Variants in ZNF71 observed in about 807,000 individuals in gnomAD.
The protein encoded by ZNF71 is zinc finger protein 71, also known as endothelial zinc finger protein induced by tumor necrosis factor alpha.
ZNF71 carries 3 observed loss-of-function variants against 6.7 expected under a neutral mutation model. The ratio of observed to expected loss-of-function variants is 0.45; its 90% CI spans 0.20 to 1.16. The LOEUF (loss-of-function observed/expected upper bound fraction) is 1.16. Ranked by LOEUF, ZNF71 falls within the 50% of genes most tolerant of loss-of-function variation. The pLI is 0.25. For missense variants in ZNF71, 688 were observed against 728.6 expected, an observed-to-expected ratio of 0.94 and a Z score of 0.64; for synonymous variants, 343 against 311.1, an observed-to-expected ratio of 1.10 and a Z score of -1.08.
In ZNF71 at chr19:56,617,112, G is replaced by GTTTTTTTTTTT. The variant is rs748784485; in HGVS notation, c.160+3183_160+3184insTTTTTTTTTTT. Among the ~76,000 whole-genome samples the GTTTTTTTTTTT allele has an allele frequency of 9.2e-3, 1,287 of 140,304 alleles. 58 individuals are homozygous for GTTTTTTTTTTT. Among genetic ancestry groups the GTTTTTTTTTTT allele is most frequent in the Middle Eastern group, 0.019 (5 of 264 alleles). 92.0% of individuals were successfully genotyped at this position (140,304 alleles called of 152,430 possible). ...TTACAGGAGACTTCCATTTTCTTTT[G>GTTTTTTTTTTT]TTTTTTTTTGTTTTTTTTGAGACAG... is the stretch of plus-strand genomic sequence containing the variant. On this transcript the variant is annotated intron_variant, in intron 3 of 3. Coordinates refer to ENST00000599599, the MANE Select transcript of ZNF71 (RefSeq NM_001370215.1).
chr19:56,599,829 G>A (rs1198475046), intron 1 of ZNF71, among the ~76,000 whole-genome samples: 1 of 151,476 alleles, frequency 6.6e-6, no homozygotes, highest in Non-Finnish European at 1.5e-5. Flanking sequence ...GAGTAGCTGG[G>A]ATTACAGGCA....
At chr19:56,599,961 A>G (rs989521755) in intron 1 of ZNF71, among the ~76,000 whole-genome samples, 15 of 151,970 alleles carry the variant, frequency 9.9e-5, no homozygotes, top group African/African-American at 2.7e-4. Context: ...GATTACAGGC[A>G]TGAGCCACTG....
intron 1 of ZNF71, among the ~76,000 whole-genome samples, chr19:56,600,918 T>G (rs2044665941): frequency 6.6e-6 from 1 of 152,132 alleles, no homozygotes; most frequent in Non-Finnish European, 1.5e-5. Flanking sequence ...TATCTGCTAG[T>G]TGAACCTCAT....
intron 1 of ZNF71, among the ~76,000 whole-genome samples, chr19:56,597,639 G>C (rs183826683): frequency 1.2e-4 from 18 of 152,348 alleles, no homozygotes; most frequent in Admixed American, 5.9e-4. Flanking sequence ...ACTCTGCTTC[G>C]CAGAGGCGAC....
chr19:56,607,124 C>T (rs1600588045), intron 2 of ZNF71, among the ~76,000 whole-genome samples: 1 of 152,064 alleles, frequency 6.6e-6, no homozygotes, highest in Non-Finnish European at 1.5e-5. Context: ...AATTTTTACC[C>T]CCTAAACAGG....
At chr19:56,600,614 T>G (rs1445399310) in intron 1 of ZNF71, among the ~76,000 whole-genome samples, 1 of 152,152 alleles carries the variant, frequency 6.6e-6, no homozygotes, top group African/African-American at 2.4e-5. Flanking sequence ...TTTGTTTTAA[T>G]TTTTAGCTCA....
chr19:56,612,247 T>A lies in ZNF71; in HGVS notation c.34-1565T>A, dbSNP rs563724275. ...TATATCAAAAAGACACCTGCACGTGTATGTTTATTGCAGCACGATTCACAA... is the reference window on the plus strand; with the variant it reads ...TATATCAAAAAGACACCTGCACGTGAATGTTTATTGCAGCACGATTCACAA... On this transcript the variant is annotated intron_variant, in intron 2 of 3. Coordinates refer to ENST00000599599, the MANE Select transcript of ZNF71 (RefSeq NM_001370215.1). 5.3e-5 allele frequency among the ~76,000 whole-genome samples: 8 copies of A among 152,350 alleles called. 1 individual carries two copies. In the East Asian group the frequency reaches 1.5e-3, roughly 29 times the overall value.
At position 56,622,433 on chromosome 19, in the gene ZNF71, C is replaced by G; in HGVS notation, c.1326C>G (p.Tyr442Ter). 6.2e-7 allele frequency: 1 copy of G among 1,613,998 alleles called. No homozygotes were observed. The highest frequency in any genetic ancestry group is 8.5e-7 in the Non-Finnish European group (1 of 1,179,980). Reference sequence around the variant, plus strand: ...GCATCCACACCGGCGAGAAGCCCTACGAGTGCTACATCTGCAAGAAGCACT... The same window carrying G: ...GCATCCACACCGGCGAGAAGCCCTAGGAGTGCTACATCTGCAAGAAGCACT... The part of the protein sequence containing the change: ...HQRIHTGEKP[Y>*]ECYICKKHFT... Residue 442 changes from tyrosine (Y) to a stop codon, truncating the protein, a stop_gained, in exon 4 of 4, where the codon TAC becomes TAG. Transcript: ENST00000599599. LOFTEE classifies it low-confidence loss of function (END_TRUNC).
intron 3 of ZNF71, among the ~76,000 whole-genome samples, chr19:56,617,551 G>T (rs2075152255): frequency 6.6e-6 from 1 of 152,228 alleles, no homozygotes; most frequent in East Asian, 1.9e-4. Flanking sequence ...GTATCAAAAG[G>T]AATGAATAGC....
rs1033940304 is a variant in ZNF71 at position 56,624,310 on chromosome 19, A to G, written c.*1553A>G. 4 of 152,248 alleles carry G rather than the reference A, an allele frequency of 2.6e-5. No homozygotes were observed. The highest frequency in any genetic ancestry group is 2.6e-4 in the Admixed American group (4 of 15,274). The allele number at this position is 152,248 out of a possible 1,614,324, so 9.4% of individuals were successfully genotyped here. ...GGTGGGTTTGATTCAGGCTCTCATC[A>G]TTGGAGCCATAGCTGTGGTTCTCTG... is the stretch of plus-strand genomic sequence containing the variant. On this transcript the variant is annotated 3_prime_UTR_variant, in exon 4 of 4. Coordinates refer to ENST00000599599, the MANE Select transcript of ZNF71 (RefSeq NM_001370215.1).
At position 56,621,960 on chromosome 19, in the gene ZNF71, A is replaced by G; in HGVS notation, c.853A>G (p.Lys285Glu). 1 of 1,600,272 alleles carries G rather than the reference A, an allele frequency of 6.2e-7. No individual in the cohort carries two copies. Among genetic ancestry groups the G allele is most frequent in the South Asian group, 1.1e-5 (1 of 90,728 alleles). ...VCDVCGKAFR[K>E]TSSLTQHERI... ...CGACGTGTGTGGCAAGGCCTTCCGG[A>G]AGACTTCCTCTCTCACCCAGCACGA... Residue 285 changes from lysine (K) to glutamate (E), a missense_variant, in exon 4 of 4, where the codon AAG (lysine) becomes GAG (glutamate). By Grantham distance (56) the Lys-to-Glu change is moderately conservative. Coordinates refer to ENST00000599599, the MANE Select transcript of ZNF71 (RefSeq NM_001370215.1).
chr19:56,600,185 A>ATTTTTT (rs1169322389), intron 1 of ZNF71, among the ~76,000 whole-genome samples: 1 of 24,928 alleles, frequency 4.0e-5, no homozygotes, highest in African/African-American at 5.0e-4. Flanking sequence ...AACCCTCTGT[A>ATTTTTT]TTTTTTTTTT....
In ZNF71 at chr19:56,622,140, C is replaced by G. The variant is rs2044859881; in HGVS notation, c.1033C>G (p.Leu345Val). 1 of 1,613,570 alleles carries G rather than the reference C, an allele frequency of 6.2e-7. No individual in the cohort carries two copies. The highest frequency in any genetic ancestry group is 2.2e-5 in the East Asian group (1 of 44,828). Reference protein sequence around the residue: ...CGRAFSQNMHLTEHQRTHTGE... With the variant: ...CGRAFSQNMHVTEHQRTHTGE... ...GCGAGCCTTCAGCCAGAACATGCAC[C>G]TGACCGAGCACCAGCGCACGCACAC... Residue 345 changes from leucine to valine, a missense_variant, in exon 4 of 4, where the codon CTG becomes GTG. Physicochemically the swap from Leu to Val is conservative, Grantham distance 32. Coordinates refer to ENST00000599599, the MANE Select transcript of ZNF71 (RefSeq NM_001370215.1).
intron 2 of ZNF71, among the ~76,000 whole-genome samples, chr19:56,608,820 T>C (rs901405018): frequency 2.6e-5 from 4 of 152,238 alleles, no homozygotes; most frequent in Non-Finnish European, 5.9e-5. Context: ...TCCATCTTTT[T>C]CCTGTGTATT....
intron 2 of ZNF71, among the ~76,000 whole-genome samples, chr19:56,607,354 C>T (rs180945704): frequency 2.5e-4 from 38 of 152,250 alleles, no homozygotes; most frequent in Admixed American, 5.9e-4. Flanking sequence ...CTATCACATA[C>T]GATTGCTTTC....
chr19:56,615,673 G>C (rs7254537), intron 3 of ZNF71, among the ~76,000 whole-genome samples: 39,755 of 150,932 alleles, frequency 0.26, 8,292 homozygotes, highest in East Asian at 0.67. Context: ...AGACCACTAT[G>C]TATTCTTGAT....
intron 3 of ZNF71, among the ~76,000 whole-genome samples, chr19:56,620,485 C>G (rs1343542950): frequency 6.6e-6 from 1 of 151,970 alleles, no homozygotes; most frequent in African/African-American, 2.4e-5. Flanking sequence ...TAAATGCTAG[C>G]TATTTATTAT....
intron 2 of ZNF71, among the ~76,000 whole-genome samples, chr19:56,604,656 G>T (rs1182954916): frequency 6.6e-6 from 1 of 152,216 alleles, no homozygotes; most frequent in Non-Finnish European, 1.5e-5. Flanking sequence ...GGATTCCGTT[G>T]CAGAGTGTGG....
In ZNF71 at chr19:56,621,659, C is replaced by T. The variant is rs1373503587; in HGVS notation, c.552C>T (p.Cys184=). Residue 184 remains cysteine (C), a synonymous_variant, in exon 4 of 4, where the codon TGC becomes TGT. Coordinates refer to ENST00000599599, the MANE Select transcript of ZNF71 (RefSeq NM_001370215.1). ...ACCTCAGTAAGCCCCCCATGCCCTG[C>T]GAGGAGAAGAAAACCTACGACTGCA... is the stretch of plus-strand genomic sequence containing the variant. ...TSDLSKPPMP[C]EEKKTYDCSE... The T allele has an allele frequency of 1.3e-5, 21 of 1,614,154 alleles. No individual in the cohort carries two copies. The South Asian group carries it at 1.3e-4, about 10-fold the overall frequency.
Sources: gnomAD v4.1 joint callset for allele counts (sites outside exome capture counted in the v4.1 genomes callset) on GRCh38, gnomAD v4.1.1 for gene constraint, MANE v1.5 for transcripts, NCBI Gene and HGNC (gene_info 2026-07-23, HGNC 2026-07-21) for gene names.